The following MACROD2 variants were observed in gnomAD, a reference collection of about 807,000 sequenced individuals.
MACROD2 encodes the protein mono-ADP ribosylhydrolase 2.
A neutral mutation model predicts 70.4 loss-of-function variants in MACROD2; 36 were observed. That is an observed-to-expected ratio of 0.51 (90% CI 0.39 to 0.68). MACROD2 has a LOEUF of 0.68. Ranked by LOEUF, MACROD2 falls within the 30% of genes least tolerant of loss-of-function variation. MACROD2 has a pLI of 0.00. For synonymous variants in MACROD2, 172 were observed against 178.8 expected (o/e 0.96, Z 0.30); for missense variants, 496 against 538.4 (o/e 0.92, Z 0.78).
chr20:15,562,649 T>G (rs1029093807), intron 8 of MACROD2, among the ~76,000 whole-genome samples: 9 of 152,332 alleles, frequency 5.9e-5, no homozygotes, highest in Admixed American at 5.9e-4. Context: ...CTTTCTGAAG[T>G]CTTTAATCAT....
At chr20:15,165,773 C>T (rs1241195114) in intron 5 of MACROD2, among the ~76,000 whole-genome samples, 1 of 151,888 alleles carries the variant, frequency 6.6e-6, no homozygotes, top group Non-Finnish European at 1.5e-5. Context: ...AAAGGCAGTG[C>T]AAGAAATGAA....
chr20:14,732,267 T>C (rs1437625749), intron 5 of MACROD2, among the ~76,000 whole-genome samples: 1 of 152,168 alleles, frequency 6.6e-6, no homozygotes, highest in Non-Finnish European at 1.5e-5. Context: ...AGCATGTGTG[T>C]ATTTGGGGGC....
chr20:14,762,071 G>T (rs866773946), intron 5 of MACROD2, among the ~76,000 whole-genome samples: 1 of 152,014 alleles, frequency 6.6e-6, no homozygotes, highest in South Asian at 2.1e-4. Flanking sequence ...TCCGCTCAGG[G>T]CCTCGGCTGG....
intron 3 of MACROD2, among the ~76,000 whole-genome samples, chr20:14,130,408 C>G (rs1601256942): frequency 6.6e-6 from 1 of 151,878 alleles, no homozygotes; most frequent in Non-Finnish European, 1.5e-5. Context: ...ATTAGCCGAG[C>G]GTGATGGCGG....
rs1174123168 is a variant in MACROD2 at position 15,417,610 on chromosome 20, A to AAG, written c.541-13794_541-13793insGA. Among the ~76,000 whole-genome samples, 3 of 147,622 alleles carry AAG rather than the reference A, an allele frequency of 2.0e-5. No individual in the cohort carries two copies. In the Admixed American group the frequency reaches 2.1e-4, roughly 10 times the overall value. On this transcript the variant is annotated intron_variant, in intron 6 of 17. Coordinates refer to ENST00000684519, the MANE Select transcript of MACROD2 (RefSeq NM_001351661.2). ...CGAAACCCTGTCTCAAAAAAAAAAA[A>AAG]AAAAAAGAAAGAAAGAAAGAAAAGA...
intron 2 of MACROD2, among the ~76,000 whole-genome samples, chr20:14,070,150 G>C (rs1271293542): frequency 6.6e-6 from 1 of 152,180 alleles, no homozygotes; most frequent in Admixed American, 6.5e-5. Context: ...CACAGCAAAA[G>C]CTTAGGAGGA....
At chr20:15,326,975 G>T (rs2077936903) in intron 6 of MACROD2, among the ~76,000 whole-genome samples, 1 of 152,128 alleles carries the variant, frequency 6.6e-6, no homozygotes, top group South Asian at 2.1e-4. Flanking sequence ...CTCATCTTAG[G>T]TTCATGGCTG....
intron 7 of MACROD2, among the ~76,000 whole-genome samples, chr20:15,494,772 T>C (rs1330098855): frequency 7.9e-6 from 1 of 127,238 alleles, no homozygotes; most frequent in African/African-American, 3.2e-5. Context: ...TGCGCGTGTG[T>C]GTGTGCGCGC....
At chr20:14,583,831 G>A (rs1216977427) in intron 4 of MACROD2, among the ~76,000 whole-genome samples, 2 of 152,106 alleles carry the variant, frequency 1.3e-5, no homozygotes, top group African/African-American at 2.4e-5. Context: ...TAGAGAAGAC[G>A]AGAAAGAGAC....
chr20:14,650,805 T>C (rs1328333607), intron 4 of MACROD2, among the ~76,000 whole-genome samples: 1 of 152,208 alleles, frequency 6.6e-6, no homozygotes, highest in East Asian at 1.9e-4. Context: ...GCCTTTAATA[T>C]AGTTGCCAGA....
At chr20:15,353,104 A>T (rs935724080) in intron 6 of MACROD2, among the ~76,000 whole-genome samples, 3 of 151,984 alleles carry the variant, frequency 2.0e-5, no homozygotes, top group Non-Finnish European at 2.9e-5. Flanking sequence ...TTCAAACTAT[A>T]CTACAAGGCT....
intron 2 of MACROD2, among the ~76,000 whole-genome samples, chr20:14,035,626 G>A (rs2053297683): frequency 6.6e-6 from 1 of 152,112 alleles, no homozygotes; most frequent in Non-Finnish European, 1.5e-5. Flanking sequence ...TTACACTGGG[G>A]CATGACTTCT....
chr20:15,580,733 T>TC (rs1368368819), intron 8 of MACROD2, among the ~76,000 whole-genome samples: 1 of 152,188 alleles, frequency 6.6e-6, no homozygotes, highest in Non-Finnish European at 1.5e-5. Flanking sequence ...TGGTTAACAT[T>TC]CCTGGGGAGA....
chr20:15,802,717 A>G (rs1568569831), intron 8 of MACROD2, among the ~76,000 whole-genome samples: 1 of 152,170 alleles, frequency 6.6e-6, no homozygotes, highest in Non-Finnish European at 1.5e-5. Flanking sequence ...CATTGGATCA[A>G]TGAAGTGAAA....
chr20:15,144,519 T>C (rs897412269), intron 5 of MACROD2, among the ~76,000 whole-genome samples: 5 of 152,222 alleles, frequency 3.3e-5, no homozygotes, highest in African/African-American at 9.6e-5. Flanking sequence ...ACAATGACCT[T>C]TTTGTTGAAC....
chr20:15,397,551 G>A (rs980330324), intron 6 of MACROD2, among the ~76,000 whole-genome samples: 1 of 152,086 alleles, frequency 6.6e-6, no homozygotes, highest in Non-Finnish European at 1.5e-5. Context: ...CTGCCTGCTT[G>A]GCCTCTCAAA....
chr20:15,788,037 G>A (rs779718961), intron 8 of MACROD2, among the ~76,000 whole-genome samples: 4 of 152,124 alleles, frequency 2.6e-5, no homozygotes, highest in Non-Finnish European at 5.9e-5. Context: ...ATGACTTTGA[G>A]GATAATTCTT....
At chr20:14,702,595 ATGTG>A (rs1204065747) in intron 5 of MACROD2, among the ~76,000 whole-genome samples, 5 of 440 alleles carry the variant, frequency 0.011, no homozygotes, top group Non-Finnish European at 0.013. Context: ...ATGTATATAT[ATGTG>A]TGTATATATA....
intron 8 of MACROD2, among the ~76,000 whole-genome samples, chr20:15,513,237 C>G (rs2047522731): frequency 6.6e-6 from 1 of 152,184 alleles, no homozygotes; most frequent in Non-Finnish European, 1.5e-5. Context: ...AGCAAGCGAA[C>G]CCCTAAATAG....
Sources: allele counts gnomAD v4.1 joint callset (sites outside exome capture counted in the v4.1 genomes callset), GRCh38; gene constraint gnomAD v4.1.1; transcripts MANE v1.5; gene names NCBI Gene and HGNC (gene_info 2026-07-23, HGNC 2026-07-21).